The following P2RX7 variants were observed in gnomAD, a reference collection of about 807,000 sequenced individuals.
P2RX7 encodes purinergic receptor P2X 7.
Under a neutral mutation model 71.6 loss-of-function variants are expected in P2RX7, and 62 were observed. The ratio of observed to expected loss-of-function variants is 0.87; its 90% CI spans 0.71 to 1.07. P2RX7 has a LOEUF of 1.07. Ranked by LOEUF, P2RX7 falls within the 50% of genes least tolerant of loss-of-function variation. The pLI is 0.00. For synonymous variants in P2RX7, 299 were observed against 283.3 expected (o/e 1.06, Z -0.56); for missense variants, 686 against 748.5 (o/e 0.92, Z 0.97).
At chr12:121,171,847 A>G (rs562219355) in intron 8 of P2RX7, among the ~76,000 whole-genome samples, 2 of 145,050 alleles carry the variant, frequency 1.4e-5, no homozygotes, top group Non-Finnish European at 3.0e-5. Context: ...ACTCACCCCA[A>G]GTGATTCTTT....
chr12:121,160,750 G>A, intron 3 of P2RX7, 152 bp from the exon 4 acceptor site: 1 of 713,140 alleles, frequency 1.4e-6, no homozygotes, highest in Non-Finnish European at 2.6e-6. Context: ...TCATCCGTCA[G>A]TGGCCACTTG....
rs1878152997 is a variant in P2RX7 at position 121,154,446 on chromosome 12, G to T, written c.126-339G>T. On this transcript the variant is annotated intron_variant, in intron 1 of 12. Transcript: ENST00000328963. This position sits in a 1 kb window ranked among gnomAD's most constrained non-coding sequence, Gnocchi z 4.2. ...AGACAAAGCTGGCGAACCCACCGGG[G>T]CGAGACTTTATGACTTGAGAAGCTG... 6.6e-6 allele frequency among the ~76,000 whole-genome samples: 1 copy of T among 152,188 alleles called. No individual in the cohort carries two copies. Among genetic ancestry groups the T allele is most frequent in the Admixed American group, 6.6e-5 (1 of 15,264 alleles).
intron 4 of P2RX7, among the ~76,000 whole-genome samples, chr12:121,161,834 AT>A (rs143757293): frequency 0.03 from 4,526 of 148,518 alleles, 224 homozygotes; most frequent in African/African-American, 0.1. Context: ...AATACTGCAA[AT>A]AGTAAAAAAA....
intron 12 of P2RX7, among the ~76,000 whole-genome samples, chr12:121,182,895 T>G (rs1310170628): frequency 1.3e-5 from 2 of 152,234 alleles, no homozygotes; most frequent in East Asian, 3.8e-4. Flanking sequence ...ATTTTCTTTC[T>G]CACCGGGAGT....
rs933019093 is a variant in P2RX7, at chr12:121,187,793, G to A, written c.*2991G>A. On this transcript the variant is annotated 3_prime_UTR_variant, in exon 13 of 13. Transcript: ENST00000328963. ...ATGAGAGTCACGTTTTGTAGGATCT[G>A]TTTTCTTATACTTAAAGACAGACTT... 2.6e-5 allele frequency: 4 copies of A among 152,168 alleles called. No individual in the cohort carries two copies. Among genetic ancestry groups the A allele is most frequent in the Non-Finnish European group, 5.9e-5 (4 of 68,028 alleles). The allele number at this position is 152,168 out of a possible 1,614,324, so 9.4% of individuals were successfully genotyped here.
intron 12 of P2RX7, among the ~76,000 whole-genome samples, chr12:121,181,909 C>T (rs1275253046): frequency 6.6e-6 from 1 of 150,842 alleles, no homozygotes; most frequent in African/African-American, 2.4e-5. Context: ...ATTAAAAATA[C>T]AAAAATTAGC....
At chr12:121,166,517 C>G (rs1343153712) in intron 7 of P2RX7, among the ~76,000 whole-genome samples, 1 of 152,106 alleles carries the variant, frequency 6.6e-6, no homozygotes, top group Admixed American at 6.6e-5. Context: ...GGGCAGTGCT[C>G]CCTCCGGGAC....
chr12:121,162,410 T>C lies in P2RX7; in HGVS notation c.437-14T>C, dbSNP rs1565956612. ...TTTCACATCTGTGGTTCTACGATGC[T>C]TTGACCCCTATAGGAATTCAGACCG... On this transcript the variant is annotated splice_polypyrimidine_tract_variant and intron_variant, in intron 4 of 12. Coordinates refer to ENST00000328963, the MANE Select transcript of P2RX7 (RefSeq NM_002562.6). 6.2e-7 allele frequency: 1 copy of C among 1,613,752 alleles called. No individual in the cohort carries two copies.
At chr12:121,147,602 G>T (rs372888078) in intron 1 of P2RX7, among the ~76,000 whole-genome samples, 8 of 149,460 alleles carry the variant, frequency 5.4e-5, no homozygotes, top group East Asian at 2.1e-4. Context: ...AGTTTTTTTT[G>T]TTGTTGTTTG....
At chr12:121,183,580 A>ACAAC (rs1555231311) in intron 12 of P2RX7, among the ~76,000 whole-genome samples, 1 of 147,918 alleles carries the variant, frequency 6.8e-6, no homozygotes, top group Non-Finnish European at 1.5e-5. Flanking sequence ...CAAAAAAAAA[A>ACAAC]AACAACAAAT....
At chr12:121,180,505 T>C (rs1268945781) in intron 12 of P2RX7, 50 bp downstream of exon 12, 1 of 929,926 alleles carries the variant, frequency 1.1e-6, no homozygotes, top group Non-Finnish European at 1.7e-6. Flanking sequence ...AATTTACTGT[T>C]AAATATAAAC....
intron 8 of P2RX7, among the ~76,000 whole-genome samples, chr12:121,169,541 A>G (rs2857592): frequency 0.39 from 58,813 of 151,702 alleles, 11,795 homozygotes; most frequent in African/African-American, 0.45. Context: ...GCAGCTCCAT[A>G]AACTGGCAGG....
At chr12:121,159,959 A>C (rs1413546230) in intron 3 of P2RX7, among the ~76,000 whole-genome samples, 1 of 152,012 alleles carries the variant, frequency 6.6e-6, no homozygotes, top group Non-Finnish European at 1.5e-5. Context: ...ATTTTTATTT[A>C]TTTGTATTGG....
chr12:121,137,592 A>G (rs111913804), intron 1 of P2RX7, among the ~76,000 whole-genome samples: 36 of 152,344 alleles, frequency 2.4e-4, no homozygotes, highest in African/African-American at 8.4e-4. Context: ...TTAATGGACT[A>G]TCTATTAACG....
At chr12:121,171,986 C>G (rs570662851) in intron 8 of P2RX7, among the ~76,000 whole-genome samples, 1 of 151,914 alleles carries the variant, frequency 6.6e-6, no homozygotes, top group African/African-American at 2.4e-5. Flanking sequence ...CTCAGCCTCC[C>G]GAGTAGCTGG....
intron 1 of P2RX7, 147 bp downstream of exon 1, chr12:121,133,242 A>T: frequency 1.1e-6 from 1 of 889,546 alleles, no homozygotes; most frequent in Non-Finnish European, 1.8e-6. Flanking sequence ...GGGAGGGAGG[A>T]AGCAGCAGCA....
At chr12:121,152,660 C>T (rs1322651483) in intron 1 of P2RX7, among the ~76,000 whole-genome samples, 2 of 152,256 alleles carry the variant, frequency 1.3e-5, no homozygotes, top group Non-Finnish European at 2.9e-5. Context: ...GGTGGGATTA[C>T]AGGCTCACGC....
chr12:121,143,797 A>G (rs1875531681), intron 1 of P2RX7, among the ~76,000 whole-genome samples: 1 of 152,158 alleles, frequency 6.6e-6, no homozygotes, highest in South Asian at 2.1e-4. Context: ...GGTTGCAGTG[A>G]GCCGAGGTCA....
intron 4 of P2RX7, among the ~76,000 whole-genome samples, chr12:121,161,303 A>G (rs1015688598): frequency 1.3e-5 from 2 of 152,212 alleles, no homozygotes; most frequent in Non-Finnish European, 2.9e-5. Context: ...GTTGAGGACC[A>G]TGAACTTTTA....
Sources: allele counts gnomAD v4.1 joint callset (sites outside exome capture counted in the v4.1 genomes callset), GRCh38; gene constraint gnomAD v4.1.1; non-coding constraint Gnocchi (gnomAD v3.1); transcripts MANE v1.5; gene names NCBI Gene and HGNC (gene_info 2026-07-23, HGNC 2026-07-21).